Variants in KCNIP4 observed in about 807,000 individuals in gnomAD.
KCNIP4 encodes the protein potassium voltage-gated channel interacting protein 4.
Under a neutral mutation model 34.0 loss-of-function variants are expected in KCNIP4, and 12 were observed. The observed-to-expected ratio is 0.35, with a 90% CI of 0.23 to 0.57. KCNIP4 has a LOEUF of 0.57. Among genes scored for constraint, KCNIP4 ranks in the 20% least tolerant of loss-of-function variants. The probability of loss-of-function intolerance (pLI) is 0.83; values close to 1 mark genes in which losing one functional copy is unlikely to be tolerated. For missense variants in KCNIP4, 238 were observed against 311.7 expected, an observed-to-expected ratio of 0.76 and a Z score of 1.78; for synonymous variants, 124 against 102.2, an observed-to-expected ratio of 1.21 and a Z score of -1.29.
At chr4:21,307,224 A>T (rs1212193550) in intron 1 of KCNIP4, among the ~76,000 whole-genome samples, 1 of 151,754 alleles carries the variant, frequency 6.6e-6, no homozygotes, top group East Asian at 1.9e-4. Flanking sequence ...TATGTTTTTC[A>T]TCCCAAGGCC....
At chr4:21,154,583 T>C (rs1001401569) in intron 1 of KCNIP4, among the ~76,000 whole-genome samples, 1 of 152,210 alleles carries the variant, frequency 6.6e-6, no homozygotes, top group Non-Finnish European at 1.5e-5. Context: ...AGATGAACAC[T>C]TGCCTATGCA....
chr4:21,313,963 A>C (rs919971247), intron 1 of KCNIP4, among the ~76,000 whole-genome samples: 1 of 152,226 alleles, frequency 6.6e-6, no homozygotes, highest in African/African-American at 2.4e-5. Flanking sequence ...ACAGGTTAGC[A>C]GAGTGCTCTA....
chr4:20,767,007 A>G (rs1307434605), intron 3 of KCNIP4: 2 of 152,184 alleles, frequency 1.3e-5, no homozygotes, highest in South Asian at 2.1e-4. Flanking sequence ...ATATTATGCT[A>G]TTATCCTAGC....
chr4:20,786,688 T>C (rs1345821149), intron 3 of KCNIP4, among the ~76,000 whole-genome samples: 1 of 152,162 alleles, frequency 6.6e-6, no homozygotes, highest in African/African-American at 2.4e-5. Context: ...TCATTTAGAA[T>C]GTACACTGTG....
intron 1 of KCNIP4, among the ~76,000 whole-genome samples, chr4:21,116,270 C>T (rs1338691478): frequency 6.6e-6 from 1 of 152,230 alleles, no homozygotes; most frequent in Non-Finnish European, 1.5e-5. Flanking sequence ...CATGCATGCC[C>T]TTGGAATCCA....
At chr4:21,756,066 T>C (rs957643491) in intron 1 of KCNIP4, among the ~76,000 whole-genome samples, 3 of 152,240 alleles carry the variant, frequency 2.0e-5, no homozygotes, top group African/African-American at 7.2e-5. Context: ...TGAAAAGTTT[T>C]AGTCTCCCTA....
chr4:21,373,438 G>A lies in KCNIP4; in HGVS notation c.62-490729C>T, dbSNP rs978506787. On this transcript the variant is annotated intron_variant, in intron 1 of 8. Transcript: ENST00000382152. ...AACTTTCAACTAAAAAGGTCTGAGA[G>A]ACTTACAGAAGTTTGTGTTGTAGAA... is the stretch of plus-strand genomic sequence containing the variant. 1.7e-4 allele frequency among the ~76,000 whole-genome samples: 25 copies of A among 147,730 alleles called. 5 individuals carry two copies. Among genetic ancestry groups the A allele is most frequent in the African/African-American group, 6.7e-4 (25 of 37,322 alleles).
At chr4:21,327,458 G>A (rs1048778711) in intron 1 of KCNIP4, among the ~76,000 whole-genome samples, 3 of 151,964 alleles carry the variant, frequency 2.0e-5, no homozygotes, top group African/African-American at 7.2e-5. Flanking sequence ...CTGTTTTCTT[G>A]CTGCTTTTAG....
intron 1 of KCNIP4, among the ~76,000 whole-genome samples, chr4:21,135,878 C>T (rs1191571105): frequency 6.6e-6 from 1 of 152,132 alleles, no homozygotes; most frequent in Non-Finnish European, 1.5e-5. Context: ...ATACCCACCT[C>T]CTATTGTTAT....
At chr4:20,940,799 T>A (rs150441198) in intron 1 of KCNIP4, among the ~76,000 whole-genome samples, 1 of 152,350 alleles carries the variant, frequency 6.6e-6, no homozygotes, top group African/African-American at 2.4e-5. Flanking sequence ...TCCATGTTGT[T>A]CTGCTTCTAG....
intron 1 of KCNIP4, among the ~76,000 whole-genome samples, chr4:21,381,859 G>C (rs573227120): frequency 6.6e-6 from 1 of 152,112 alleles, no homozygotes; most frequent in African/African-American, 2.4e-5. Flanking sequence ...AGATACAGCA[G>C]TGAGCGCAAA....
At chr4:21,242,908 GTGTGTGTGTA>G (rs1189017932) in intron 1 of KCNIP4, among the ~76,000 whole-genome samples, 6 of 112,316 alleles carry the variant, frequency 5.3e-5, no homozygotes, top group African/African-American at 2.3e-4. Flanking sequence ...GTGTGTGTGT[GTGTGTGTGTA>G]TTGCTTTTTT....
At chr4:20,932,670 GAT>G (rs771259730) in intron 1 of KCNIP4, among the ~76,000 whole-genome samples, 144 of 152,090 alleles carry the variant, frequency 9.5e-4, no homozygotes, top group Non-Finnish European at 1.5e-3. Context: ...GTAAACCTCA[GAT>G]ATACACAAGG....
chr4:21,296,844 A>T (rs1763867637), intron 1 of KCNIP4, among the ~76,000 whole-genome samples: 1 of 151,958 alleles, frequency 6.6e-6, no homozygotes, highest in Non-Finnish European at 1.5e-5. Context: ...AATTTCAAAC[A>T]GAGAGGTAAG....
chr4:21,221,898 TC>T, intron 1 of KCNIP4, among the ~76,000 whole-genome samples: 1 of 152,316 alleles, frequency 6.6e-6, no homozygotes, highest in African/African-American at 2.4e-5. Context: ...CATACAGTGA[TC>T]CTTTTTCCTG....
At chr4:21,487,898 A>G (rs1439795786) in intron 1 of KCNIP4, among the ~76,000 whole-genome samples, 1 of 152,006 alleles carries the variant, frequency 6.6e-6, no homozygotes, top group Non-Finnish European at 1.5e-5. Flanking sequence ...ACTTTTTGGT[A>G]CTATATAATG....
At chr4:20,992,594 C>G (rs1223643846) in intron 1 of KCNIP4, among the ~76,000 whole-genome samples, 2 of 152,142 alleles carry the variant, frequency 1.3e-5, no homozygotes, top group Admixed American at 6.5e-5. Context: ...GCCTCTCCCC[C>G]ACCCCACATA....
intron 1 of KCNIP4, among the ~76,000 whole-genome samples, chr4:21,832,180 G>A (rs764255176): frequency 3.3e-5 from 5 of 152,174 alleles, no homozygotes; most frequent in East Asian, 1.9e-4. Context: ...AGCATTTGAC[G>A]AAATTCAACA....
chr4:21,344,727 A>C (rs10516384), intron 1 of KCNIP4, among the ~76,000 whole-genome samples: 7,576 of 152,258 alleles, frequency 0.05, 358 homozygotes, highest in East Asian at 0.2. Context: ...TCAGTATTCC[A>C]AATTTCCAGA....
Sources: allele counts gnomAD v4.1 joint callset (sites outside exome capture counted in the v4.1 genomes callset), GRCh38; gene constraint gnomAD v4.1.1; transcripts MANE v1.5; gene names NCBI Gene and HGNC (gene_info 2026-07-23, HGNC 2026-07-21).